GRM7: variants seen among roughly 807,000 people sequenced by gnomAD.
The protein encoded by GRM7 is glutamate metabotropic receptor 7.
In GRM7, 35 loss-of-function variants were observed where a neutral mutation model predicts 84.5. The observed-to-expected ratio is 0.41, with a 90% CI of 0.32 to 0.55. The LOEUF is 0.55. GRM7 is among the 20% of genes least tolerant of loss of function. The pLI, the probability that GRM7 is intolerant of heterozygous loss-of-function variation, is 0.19. For synonymous variants in GRM7, 487 were observed against 455.1 expected, an observed-to-expected ratio of 1.07 and a Z score of -0.89; for missense variants, 1,003 against 1,194.6, an observed-to-expected ratio of 0.84 and a Z score of 2.36.
intron 1 of GRM7, among the ~76,000 whole-genome samples, chr3:7,099,628 T>C (rs1215576643): frequency 7.9e-6 from 1 of 127,378 alleles, no homozygotes; most frequent in African/African-American, 3.2e-5. Flanking sequence ...TATGTATATG[T>C]ACACGCATTA....
chr3:7,688,205 G>T (rs544254778), intron 9 of GRM7, among the ~76,000 whole-genome samples: 16 of 152,212 alleles, frequency 1.1e-4, no homozygotes, highest in African/African-American at 3.6e-4. Context: ...AATATTTTAA[G>T]TCAATCTTTT....
intron 4 of GRM7, among the ~76,000 whole-genome samples, chr3:7,325,548 G>A (rs1183581043): frequency 1.3e-5 from 2 of 152,092 alleles, no homozygotes; most frequent in African/African-American, 2.4e-5. Flanking sequence ...GGAGAAAGGG[G>A]CAGTCCTGAG....
At chr3:7,693,511 T>C in intron 9 of GRM7, 1 of 692,560 alleles carries the variant, frequency 1.4e-6, no homozygotes, top group African/African-American at 1.8e-5. Flanking sequence ...TGCTACATTT[T>C]TGTTCTTGGA....
At chr3:7,387,386 T>G (rs1694826191) in intron 4 of GRM7, among the ~76,000 whole-genome samples, 1 of 152,238 alleles carries the variant, frequency 6.6e-6, no homozygotes, top group African/African-American at 2.4e-5. Context: ...TAGAAGAGTT[T>G]TCCCTAGGTT....
At chr3:7,704,065 A>AT (rs1701311474) in intron 9 of GRM7, among the ~76,000 whole-genome samples, 1 of 152,164 alleles carries the variant, frequency 6.6e-6, no homozygotes, top group Non-Finnish European at 1.5e-5. Context: ...TCAAACAGTG[A>AT]TTTTTCATGT....
intron 1 of GRM7, among the ~76,000 whole-genome samples, chr3:7,020,787 G>A (rs927213553): frequency 3.3e-5 from 5 of 152,018 alleles, no homozygotes; most frequent in Non-Finnish European, 7.4e-5. Flanking sequence ...TTCCTACTAT[G>A]CACAATCCTC....
intron 2 of GRM7, among the ~76,000 whole-genome samples, chr3:7,224,866 C>A (rs1398084163): frequency 6.6e-6 from 1 of 152,112 alleles, no homozygotes; most frequent in Non-Finnish European, 1.5e-5. Context: ...TACCCACCAC[C>A]CACTACCATA....
chr3:7,674,768 T>C (rs329039), intron 8 of GRM7, among the ~76,000 whole-genome samples: 70,762 of 152,152 alleles, frequency 0.47, 17,370 homozygotes, highest in East Asian at 0.75. Flanking sequence ...GTCACCCTTG[T>C]GTGCACAGCA....
intron 4 of GRM7, among the ~76,000 whole-genome samples, chr3:7,322,000 A>C (rs76165871): frequency 0.015 from 2,251 of 152,214 alleles, 57 homozygotes; most frequent in African/African-American, 0.048. Context: ...AAAACCCCAG[A>C]ATATTATGAA....
rs569297395 is a variant in GRM7, at chr3:7,214,248, G to A, written c.736+67580G>A. Among the ~76,000 whole-genome samples, 117 of 152,264 alleles carry A rather than the reference G, an allele frequency of 7.7e-4. 1 individual carries two copies. The highest frequency in any genetic ancestry group is 2.8e-3 in the African/African-American group (116 of 41,560). ...ATGTAGAAGTCATGAATATGCATCT[G>A]CAGGAAAGTGAGAAAACAACATTTC... On this transcript the variant is annotated intron_variant, in intron 2 of 9. Coordinates refer to ENST00000357716, the MANE Select transcript of GRM7 (RefSeq NM_000844.4).
intron 1 of GRM7, among the ~76,000 whole-genome samples, chr3:6,889,939 C>T (rs1695865621): frequency 6.6e-6 from 1 of 152,192 alleles, no homozygotes; most frequent in Non-Finnish European, 1.5e-5. Flanking sequence ...AGAGATTCAA[C>T]TTCTTCCTGG....
At chr3:7,332,611 A>G (rs940172191) in intron 4 of GRM7, among the ~76,000 whole-genome samples, 3 of 152,176 alleles carry the variant, frequency 2.0e-5, no homozygotes, top group Non-Finnish European at 4.4e-5. Flanking sequence ...AAAATGGTGG[A>G]TAAGAGATAG....
At chr3:7,039,640 G>T (rs529370856) in intron 1 of GRM7, among the ~76,000 whole-genome samples, 4 of 152,226 alleles carry the variant, frequency 2.6e-5, no homozygotes, top group South Asian at 4.1e-4. Flanking sequence ...CATCTAGGGA[G>T]TGTCAATCAA....
At chr3:6,927,461 GAGAGAAAGAAAGAA>G (rs1379208137) in intron 1 of GRM7, among the ~76,000 whole-genome samples, 3 of 71,794 alleles carry the variant, frequency 4.2e-5, no homozygotes, top group African/African-American at 1.5e-4. Context: ...AAGAAAGAGA[GAGAGAAAGAAAGAA>G]AGAAAGAAAG....
At chr3:7,327,396 TAAGA>T (rs1430041577) in intron 4 of GRM7, among the ~76,000 whole-genome samples, 3 of 152,100 alleles carry the variant, frequency 2.0e-5, no homozygotes, top group Non-Finnish European at 4.4e-5. Flanking sequence ...AAAGAAAGCA[TAAGA>T]AAGAAAAGAA....
intron 4 of GRM7, among the ~76,000 whole-genome samples, chr3:7,339,485 C>G (rs1183057463): frequency 1.3e-5 from 2 of 152,148 alleles, no homozygotes; most frequent in Non-Finnish European, 2.9e-5. Flanking sequence ...ATCTATAACA[C>G]TCCCTGTGGA....
chr3:6,873,546 G>A (rs550274134), intron 1 of GRM7, among the ~76,000 whole-genome samples: 13 of 152,250 alleles, frequency 8.5e-5, no homozygotes, highest in South Asian at 2.1e-4. Flanking sequence ...CAATAGATCC[G>A]TCTGCATAGG....
At chr3:7,259,584 C>G (rs1464891496) in intron 2 of GRM7, among the ~76,000 whole-genome samples, 6 of 152,172 alleles carry the variant, frequency 3.9e-5, no homozygotes, top group Admixed American at 3.9e-4. Context: ...ATGATGGCCT[C>G]TAGCTCCATC....
At chr3:7,463,478 A>T (rs904616693) in intron 7 of GRM7, among the ~76,000 whole-genome samples, 1 of 152,164 alleles carries the variant, frequency 6.6e-6, no homozygotes, top group East Asian at 1.9e-4. Flanking sequence ...AGTTAGAAGC[A>T]CTGCAAGAGT....
Sources: allele counts gnomAD v4.1 joint callset (sites outside exome capture counted in the v4.1 genomes callset), GRCh38; gene constraint gnomAD v4.1.1; transcripts MANE v1.5; gene names NCBI Gene and HGNC (gene_info 2026-07-23, HGNC 2026-07-21).